SYT1: variants seen among roughly 807,000 people sequenced by gnomAD.
SYT1 encodes synaptotagmin-1.
A neutral mutation model predicts 44.8 loss-of-function variants in SYT1; 8 were observed. That is an observed-to-expected ratio of 0.18 (90% CI 0.10 to 0.32). The LOEUF is 0.32. Among genes scored for constraint, SYT1 ranks in the 10% least tolerant of loss-of-function variants. The pLI, the probability that SYT1 is intolerant of heterozygous loss-of-function variation, is 1.00. For synonymous variants in SYT1, 154 were observed against 188.8 expected, an observed-to-expected ratio of 0.82 and a Z score of 1.51; for missense variants, 286 against 509.3, an observed-to-expected ratio of 0.56 and a Z score of 4.22.
chr12:79,372,939 C>T (rs1883852018), intron 9 of SYT1, among the ~76,000 whole-genome samples: 1 of 152,072 alleles, frequency 6.6e-6, no homozygotes, highest in African/African-American at 2.4e-5. Flanking sequence ...ACTTTTGGGT[C>T]CTAACTTCTC....
chr12:79,272,848 CAGA>C (rs1379755644), intron 4 of SYT1, among the ~76,000 whole-genome samples: 1 of 152,042 alleles, frequency 6.6e-6, no homozygotes, highest in Non-Finnish European at 1.5e-5. Flanking sequence ...AAAATAAAAG[CAGA>C]AGAAAATTTT....
At chr12:78,979,011 T>C (rs755259050) in intron 2 of SYT1, among the ~76,000 whole-genome samples, 3 of 152,330 alleles carry the variant, frequency 2.0e-5, no homozygotes, top group Non-Finnish European at 2.9e-5. Context: ...CTTTCTCCTA[T>C]CTCTTGCAGT....
chr12:78,901,361 A>T (rs1875654354), intron 1 of SYT1, among the ~76,000 whole-genome samples: 1 of 152,160 alleles, frequency 6.6e-6, no homozygotes, highest in African/African-American at 2.4e-5. Flanking sequence ...ATTTTGGTGT[A>T]GTATTTTTTC....
At chr12:79,066,490 T>A (rs2950384) in intron 3 of SYT1, among the ~76,000 whole-genome samples, 37,330 of 139,634 alleles carry the variant, frequency 0.27, 5,281 homozygotes, top group Non-Finnish European at 0.34. Context: ...AAAAAAAAAT[T>A]AAAAAAAAAA....
intron 3 of SYT1, among the ~76,000 whole-genome samples, chr12:79,099,597 C>G (rs963563438): frequency 6.6e-6 from 1 of 151,778 alleles, no homozygotes; most frequent in African/African-American, 2.4e-5. Flanking sequence ...GTTTTTAATC[C>G]TTAAATAGCT....
intron 3 of SYT1, among the ~76,000 whole-genome samples, chr12:79,129,371 G>A (rs1240352192): frequency 6.6e-6 from 1 of 152,166 alleles, no homozygotes; most frequent in Non-Finnish European, 1.5e-5. Flanking sequence ...AAAAGGCATA[G>A]ATGCATGCTA....
At chr12:79,280,081 G>A (rs1343360790) in intron 4 of SYT1, among the ~76,000 whole-genome samples, 6 of 151,334 alleles carry the variant, frequency 4.0e-5, no homozygotes, top group Middle Eastern at 3.4e-3. Context: ...AGCAATCTTC[G>A]GACTCAATAT....
chr12:79,041,036 G>T (rs1304360543), intron 2 of SYT1, among the ~76,000 whole-genome samples: 1 of 151,922 alleles, frequency 6.6e-6, no homozygotes, highest in Non-Finnish European at 1.5e-5. Flanking sequence ...GCCTTGTAGT[G>T]TAGTTTGAAG....
Position 78,946,251 on chromosome 12 carries a change from G to A in SYT1, c.-216-31548G>A, listed in dbSNP as rs185703315. Among the ~76,000 whole-genome samples, 192 of 152,296 alleles carry A rather than the reference G, an allele frequency of 1.3e-3. 1 individual carries two copies. The Middle Eastern group carries it at 0.02, about 16-fold the overall frequency. ...TATTCAGGCCTCAAGAATTTGAGGG[G>A]CATCTGGTGAATGCCAGGTGTCTTC... On this transcript the variant is annotated intron_variant, in intron 1 of 10. Coordinates refer to ENST00000261205, the MANE Select transcript of SYT1 (RefSeq NM_005639.3).
At chr12:79,351,437 C>T (rs1882897849) in intron 8 of SYT1, among the ~76,000 whole-genome samples, 2 of 151,670 alleles carry the variant, frequency 1.3e-5, no homozygotes, top group African/African-American at 4.8e-5. Context: ...AGAGAGCAGT[C>T]ATGTCTGAAA....
chr12:79,103,160 C>G (rs576609408), intron 3 of SYT1: 5 of 152,038 alleles, frequency 3.3e-5, no homozygotes, highest in Non-Finnish European at 7.4e-5. Flanking sequence ...TTTTACTTAT[C>G]GTGGCAATTT....
At chr12:79,048,479 G>A (rs1010143747) in intron 3 of SYT1, among the ~76,000 whole-genome samples, 1 of 151,834 alleles carries the variant, frequency 6.6e-6, no homozygotes, top group South Asian at 2.1e-4. Context: ...TGTGAGAAAG[G>A]CAGAGAAAAC....
At chr12:79,434,587 C>T (rs1278303795) in intron 9 of SYT1, among the ~76,000 whole-genome samples, 1 of 152,110 alleles carries the variant, frequency 6.6e-6, no homozygotes, top group East Asian at 1.9e-4. Context: ...AATAAGTGAA[C>T]AAGAAAACTT....
intron 8 of SYT1, among the ~76,000 whole-genome samples, chr12:79,348,010 TC>T (rs1565919208): frequency 6.6e-6 from 1 of 151,972 alleles, no homozygotes; most frequent in Admixed American, 6.6e-5. Flanking sequence ...AATGCAAAGA[TC>T]CTCAGATAGA....
chr12:79,359,298 GGGAGGTGGCTA>G (rs1030617858), intron 9 of SYT1, among the ~76,000 whole-genome samples: 3 of 152,148 alleles, frequency 2.0e-5, no homozygotes, highest in African/African-American at 7.2e-5. Flanking sequence ...CAAGGAGCTA[GGGAGGTGGCTA>G]GGAGGTGGGA....
At chr12:79,138,434 G>A (rs972679981) in intron 3 of SYT1, among the ~76,000 whole-genome samples, 1 of 152,170 alleles carries the variant, frequency 6.6e-6, no homozygotes, top group African/African-American at 2.4e-5. Context: ...CCCAAAGGCA[G>A]TAATAACTAT....
chr12:79,161,917 A>G (rs1870971353), intron 3 of SYT1, among the ~76,000 whole-genome samples: 1 of 152,130 alleles, frequency 6.6e-6, no homozygotes, highest in Non-Finnish European at 1.5e-5. Context: ...GTCTTTCCCT[A>G]AGGATATCTG....
intron 3 of SYT1, among the ~76,000 whole-genome samples, chr12:79,163,105 C>T (rs1395660085): frequency 6.6e-6 from 1 of 152,050 alleles, no homozygotes; most frequent in East Asian, 1.9e-4. Flanking sequence ...TCTGTATTTG[C>T]CTGCCTTATG....
chr12:79,246,204 A>G (rs929081814), intron 4 of SYT1, among the ~76,000 whole-genome samples: 1 of 152,224 alleles, frequency 6.6e-6, no homozygotes. Context: ...GGTCAATTCC[A>G]AAAGACGAGG....
Sources: allele counts gnomAD v4.1 joint callset (sites outside exome capture counted in the v4.1 genomes callset), GRCh38; gene constraint gnomAD v4.1.1; transcripts MANE v1.5; gene names NCBI Gene and HGNC (gene_info 2026-07-23, HGNC 2026-07-21).